The following AP1G2 variants were observed in gnomAD, a reference collection of about 807,000 sequenced individuals.
The protein encoded by AP1G2 is AP-1 complex subunit gamma-like 2.
A neutral mutation model predicts 95.8 loss-of-function variants in AP1G2; 85 were observed. The ratio of observed to expected loss-of-function variants is 0.89; its 90% CI spans 0.74 to 1.06. AP1G2 has a LOEUF of 1.06. AP1G2 is among the 50% of genes least tolerant of loss of function. AP1G2 has a pLI of 0.00. For synonymous variants in AP1G2, 378 were observed against 400.0 expected (o/e 0.94, Z 0.66); for missense variants, 967 against 1,005.8 (o/e 0.96, Z 0.52).
intron 2 of AP1G2, 65 bp from the exon 3 acceptor site, chr14:23,566,751 C>T (rs992017762): frequency 1.5e-5 from 23 of 1,584,980 alleles, no homozygotes; most frequent in Non-Finnish European, 1.8e-5. Context: ...CATCCCTGTT[C>T]CATCTTCCTC....
rs1266746977 is a variant in AP1G2 at position 23,565,891 on chromosome 14, G to A, written c.570C>T (p.Gly190=). ...CAQLLHERHH[G]ILLGTITLIT... is the part of the protein sequence containing the mutation. ...TCAGCGTGATGGTGCCCAGCAGGATGCCTGGGGTCAGCGTCGGGGAAGTGA... is the reference window on the plus strand; with the variant it reads ...TCAGCGTGATGGTGCCCAGCAGGATACCTGGGGTCAGCGTCGGGGAAGTGA... The change falls in exon 6 of 22, where the codon GGC becomes GGT. Residue 190 remains glycine (G), a splice_region_variant and synonymous_variant. Coordinates refer to ENST00000397120, the MANE Select transcript of AP1G2 (RefSeq NM_003917.5). 1.3e-6 allele frequency: 2 copies of A among 1,591,280 alleles called. No individual in the cohort carries two copies. Among genetic ancestry groups the A allele is most frequent in the Non-Finnish European group, 8.5e-7 (1 of 1,170,672 alleles).
chr14:23,561,490 CCA>C lies in AP1G2; in HGVS notation c.1857+20_1857+21del. On this transcript the variant is annotated intron_variant, in intron 18 of 21. Coordinates refer to ENST00000397120, the MANE Select transcript of AP1G2 (RefSeq NM_003917.5). The stretch of plus-strand genomic sequence containing the variant: ...ATGAAGCTCAGCCCGTCTTCCTACC[CCA>C]GAGTTTCTAGCCTTCTCACCTGGGG... The C allele has an allele frequency of 6.2e-7, 1 of 1,614,106 alleles. No individual in the cohort carries two copies. The highest frequency in any genetic ancestry group is 1.3e-5 in the African/African-American group (1 of 75,016).
chr14:23,565,328 A>G, intron 7 of AP1G2, 129 bp from the exon 8 acceptor site: 1 of 986,038 alleles, frequency 1.0e-6, no homozygotes, highest in African/African-American at 1.6e-5. Flanking sequence ...CCTCACCTCC[A>G]CAGGTCCCTT....
At position 23,567,078 on chromosome 14, in the gene AP1G2, C is replaced by G. The variant is rs752279437; in HGVS notation, c.204+33G>C. On this transcript the variant is annotated intron_variant, in intron 2 of 21. Transcript: ENST00000397120. This position sits in a 1 kb window ranked among gnomAD's most constrained non-coding sequence, Gnocchi z 5.3. ...GGGACTCTGCCCCACTAGCCTTCAT[C>G]AAGCTCAGGAGGGAGGTATTCCTGG... The G allele has an allele frequency of 1.9e-6, 3 of 1,590,900 alleles. No homozygotes were observed. The Admixed American group carries it at 5.6e-5, about 30-fold the overall frequency.
chr14:23,562,127 G>A lies in AP1G2; in HGVS notation c.1629-61C>T, dbSNP rs1307502150. 1.5e-5 allele frequency: 24 copies of A among 1,602,290 alleles called. 1 individual carries two copies. The Admixed American group carries it at 4.1e-4, about 27-fold the overall frequency. On this transcript the variant is annotated intron_variant, in intron 16 of 21. Coordinates refer to ENST00000397120, the MANE Select transcript of AP1G2 (RefSeq NM_003917.5). ...GTGCCACTGCAGGATGTGGCAAGAA[G>A]GAAAGGCCCACGGAGCAGGGAAATA...
At chr14:23,566,733 G>A (rs1031122030) in intron 2 of AP1G2, 47 bp from the exon 3 acceptor site, 2 of 1,605,564 alleles carry the variant, frequency 1.2e-6, no homozygotes, top group Admixed American at 3.3e-5. Flanking sequence ...TGAAACCATA[G>A]ACACTCACAT....
At chr14:23,565,383 G>T in intron 7 of AP1G2, 184 bp from the exon 8 acceptor site, 1 of 727,416 alleles carries the variant, frequency 1.4e-6, no homozygotes, top group Non-Finnish European at 2.2e-6. Flanking sequence ...GGGGAGTTTA[G>T]GACAGGCTTA....
In AP1G2 at chr14:23,563,421, C is replaced by G. The variant is rs1260797500; in HGVS notation, c.1369G>C (p.Val457Leu). 6.2e-7 allele frequency: 1 copy of G among 1,610,998 alleles called. No individual in the cohort carries two copies. Among genetic ancestry groups the G allele is most frequent in the African/African-American group, 1.3e-5 (1 of 74,930 alleles). ...GCCAGGGCATTGTAGAGGCGGCGCA[C>G]AGAGTAGGCATGTAGCTCCTGGGCC... ...GGAQELHAYSVRRLYNALAED... is the reference protein window; with the variant it reads ...GGAQELHAYSLRRLYNALAED... Residue 457 changes from valine to leucine, a missense_variant, in exon 14 of 22, where the codon GTG becomes CTG. Val to Leu is a conservative substitution (Grantham distance 32, BLOSUM62 1). Coordinates refer to ENST00000397120, the MANE Select transcript of AP1G2 (RefSeq NM_003917.5).
intron 14 of AP1G2, chr14:23,562,819 A>G: frequency 1.7e-6 from 1 of 588,672 alleles, no homozygotes; most frequent in Non-Finnish European, 2.9e-6. Flanking sequence ...CCTCACTTCC[A>G]GACCTGGCAA....
intron 14 of AP1G2, chr14:23,563,177 G>C: frequency 7.0e-7 from 1 of 1,432,264 alleles, no homozygotes; most frequent in East Asian, 2.5e-5. Context: ...TTAGTCATCT[G>C]TAGTTACATA....
chr14:23,563,071 C>T (rs1885896030), intron 14 of AP1G2: 1 of 1,282,640 alleles, frequency 7.8e-7, no homozygotes, highest in South Asian at 1.9e-5. Context: ...TTAATTCATT[C>T]AGCATTCAAG....
In AP1G2 at chr14:23,562,543, G is replaced by A. The variant is rs1885448758; in HGVS notation, c.1461C>T (p.Leu487=). 1 of 1,614,192 alleles carries A rather than the reference G, an allele frequency of 6.2e-7. No homozygotes were observed. The highest frequency in any genetic ancestry group is 8.5e-7 in the Non-Finnish European group (1 of 1,180,036). The change falls in exon 15 of 22, where the codon CTC becomes CTT. Residue 487 remains leucine, a synonymous_variant. Transcript: ENST00000397120. ...TCTCCTCGCAGTTCCCTGCCAGCAG[G>A]AGGTCCCCATACTCCCCAATGCACC... is the stretch of plus-strand genomic sequence containing the variant. ...AAWCIGEYGD[L]LLAGNCEEIE...
chr14:23,560,991 A>AAC, intron 19 of AP1G2: 1 of 714,272 alleles, frequency 1.4e-6, no homozygotes, highest in Non-Finnish European at 1.8e-6. Context: ...TGTAAAAAAG[A>AAC]ACATGAAATG....
intron 7 of AP1G2, 115 bp downstream of exon 7, chr14:23,565,491 C>A (rs370404205): frequency 1.3e-5 from 12 of 952,974 alleles, no homozygotes; most frequent in Admixed American, 1.1e-4. Flanking sequence ...GTGCCTGCTA[C>A]TCTGCTGCCC....
intron 8 of AP1G2, chr14:23,564,887 C>T (rs1448139102): frequency 7.9e-6 from 5 of 632,270 alleles, no homozygotes; most frequent in African/African-American, 3.7e-5. Flanking sequence ...ATCTGTCCAT[C>T]CTTCAACCAT....
chr14:23,565,928 C>T, intron 5 of AP1G2, 36 bp from the exon 6 acceptor site: 12 of 1,601,216 alleles, frequency 7.5e-6, no homozygotes, highest in Non-Finnish European at 9.4e-6. Context: ...TGGTGGGGGC[C>T]AGGGGCAAGA....
intron 17 of AP1G2, 53 bp from the exon 18 acceptor site, chr14:23,561,688 A>G (rs1884768717): frequency 1.9e-6 from 3 of 1,599,710 alleles, no homozygotes. Context: ...GCCTTTCACA[A>G]GAGGCATCTA....
rs771099216 is a variant in AP1G2 at position 23,562,374 on chromosome 14, C to T, written c.1542G>A (p.Leu514=). 16 of 1,614,042 alleles carry T rather than the reference C, an allele frequency of 9.9e-6. No homozygotes were observed. Among genetic ancestry groups the T allele is most frequent in the African/African-American group, 6.7e-5 (5 of 74,922 alleles). ...EEVLALLEKV[L]QSHMSLPATR... is the part of the protein sequence containing the mutation. ...TGGCTGGCAGGGACATGTGGGACTG[C>T]AGCACCTTTTCCAGCAATGCCAGCA... The change falls in exon 16 of 22, where the codon CTG becomes CTA. Residue 514 remains leucine, a synonymous_variant. Coordinates refer to ENST00000397120, the MANE Select transcript of AP1G2 (RefSeq NM_003917.5).
chr14:23,563,677 TC>T (rs1305249410), intron 12 of AP1G2, 38 bp downstream of exon 12: 2 of 1,614,116 alleles, frequency 1.2e-6, no homozygotes, highest in Non-Finnish European at 1.7e-6. Flanking sequence ...GTACTGACGC[TC>T]CCCAGATTCT....
Sources: allele counts gnomAD v4.1 joint callset, GRCh38; gene constraint gnomAD v4.1.1; non-coding constraint Gnocchi (gnomAD v3.1); transcripts MANE v1.5; gene names NCBI Gene and HGNC (gene_info 2026-07-23, HGNC 2026-07-21).